Variants in RBMS3 observed in about 807,000 individuals in gnomAD.
The protein encoded by RBMS3 is RNA-binding motif, single-stranded-interacting protein 3.
RBMS3 carries 27 observed loss-of-function variants against 66.8 expected under a neutral mutation model. The observed-to-expected ratio is 0.40, with a 90% CI of 0.30 to 0.56. The LOEUF is 0.56. Ranked by LOEUF, RBMS3 falls within the 20% of genes least tolerant of loss-of-function variation. The pLI, the probability that RBMS3 is intolerant of heterozygous loss-of-function variation, is 0.40. For synonymous variants in RBMS3, 188 were observed against 183.0 expected (o/e 1.03, Z -0.22); for missense variants, 513 against 549.5 (o/e 0.93, Z 0.66).
At chr3:29,989,097 A>G (rs1340694126) in intron 13 of RBMS3, among the ~76,000 whole-genome samples, 1 of 152,192 alleles carries the variant, frequency 6.6e-6, no homozygotes, top group African/African-American at 2.4e-5. Flanking sequence ...TAGGCCATGA[A>G]CCTGCACAGG....
intron 2 of RBMS3, among the ~76,000 whole-genome samples, chr3:29,445,810 G>A (rs200196622): frequency 3.9e-5 from 6 of 151,984 alleles, no homozygotes; most frequent in African/African-American, 1.2e-4. Context: ...TGTCATATTC[G>A]TTATATCTCT....
chr3:29,870,581 C>T (rs1421847990), intron 7 of RBMS3, among the ~76,000 whole-genome samples: 1 of 152,120 alleles, frequency 6.6e-6, no homozygotes, highest in Non-Finnish European at 1.5e-5. Context: ...TAGAGAGTTA[C>T]AGCTGCCACC....
At chr3:29,913,003 G>A (rs894410167) in intron 10 of RBMS3, among the ~76,000 whole-genome samples, 12 of 151,872 alleles carry the variant, frequency 7.9e-5, no homozygotes, top group Admixed American at 4.6e-4. Context: ...CTGTGCTGTT[G>A]AGTGCTTGAG....
At chr3:29,744,056 C>T (rs964726094) in intron 5 of RBMS3, among the ~76,000 whole-genome samples, 32 of 151,968 alleles carry the variant, frequency 2.1e-4, no homozygotes, top group Admixed American at 2.1e-3. Context: ...GATACTGACA[C>T]TGCTGATATG....
intron 11 of RBMS3, among the ~76,000 whole-genome samples, chr3:29,936,541 C>T (rs894938791): frequency 2.0e-5 from 3 of 152,052 alleles, no homozygotes; most frequent in African/African-American, 7.2e-5. Flanking sequence ...GTTTTCTCTT[C>T]CCAGCTGCTT....
At chr3:29,608,259 A>G (rs2048376932) in intron 4 of RBMS3, among the ~76,000 whole-genome samples, 1 of 151,998 alleles carries the variant, frequency 6.6e-6, no homozygotes. Flanking sequence ...TTAAAGCAGC[A>G]TTAACTTTTG....
At chr3:29,985,040 G>A (rs1425365164) in intron 12 of RBMS3, among the ~76,000 whole-genome samples, 1 of 152,218 alleles carries the variant, frequency 6.6e-6, no homozygotes, top group Non-Finnish European at 1.5e-5. Context: ...GGAGATGGGT[G>A]TTTTATCTAC....
chr3:29,729,658 T>A (rs148525941), intron 4 of RBMS3, among the ~76,000 whole-genome samples: 1 of 152,160 alleles, frequency 6.6e-6, no homozygotes, highest in Non-Finnish European at 1.5e-5. Context: ...TGTTGTTTCC[T>A]GACTTTTTAA....
In RBMS3 at chr3:29,738,216, G is replaced by A. The variant is rs192291681; in HGVS notation, c.400-1504G>A. 5.7e-3 allele frequency among the ~76,000 whole-genome samples: 872 copies of A among 152,056 alleles called. 13 individuals carry two copies. The highest frequency in any genetic ancestry group is 0.018 in the African/African-American group (763 of 41,496). ...CTACTTGTTTATTGTTTTTAAAACCGTAAATATCTAATAATATGATATCTT... is the reference window on the plus strand; with the variant it reads ...CTACTTGTTTATTGTTTTTAAAACCATAAATATCTAATAATATGATATCTT... On this transcript the variant is annotated intron_variant, in intron 4 of 14. Transcript: ENST00000383767.
chr3:29,907,512 A>G (rs1254275623), intron 10 of RBMS3, among the ~76,000 whole-genome samples: 1 of 151,902 alleles, frequency 6.6e-6, no homozygotes, highest in Non-Finnish European at 1.5e-5. Flanking sequence ...TGCCAATTTT[A>G]TTGTATTAAT....
intron 4 of RBMS3, among the ~76,000 whole-genome samples, chr3:29,668,988 G>A (rs75614802): frequency 0.035 from 5,395 of 152,266 alleles, 309 homozygotes; most frequent in African/African-American, 0.12. Flanking sequence ...TGACTGATGC[G>A]TTTCCCACTT....
chr3:29,511,389 A>G (rs1420356292), intron 3 of RBMS3, among the ~76,000 whole-genome samples: 2 of 152,226 alleles, frequency 1.3e-5, no homozygotes, highest in African/African-American at 4.8e-5. Flanking sequence ...AATAAGGTAT[A>G]TGAACAGGCG....
At chr3:29,482,406 C>CATTT (rs1364341680) in intron 2 of RBMS3, among the ~76,000 whole-genome samples, 28 of 152,132 alleles carry the variant, frequency 1.8e-4, no homozygotes, top group African/African-American at 5.8e-4. Flanking sequence ...AATTAAAGAA[C>CATTT]AAGGAAAGGC....
chr3:29,432,666 T>A lies in RBMS3; in HGVS notation c.76-2077T>A, dbSNP rs1432541706. ...ATTCCCTGCTCTCAGGAAACACAGA[T>A]TACTGTTAGAGGCAGGCATTAAATA... is the stretch of plus-strand genomic sequence containing the variant. On this transcript the variant is annotated intron_variant, in intron 1 of 14. Coordinates refer to ENST00000383767, the MANE Select transcript of RBMS3 (RefSeq NM_001003793.3). 3.3e-5 allele frequency among the ~76,000 whole-genome samples: 5 copies of A among 152,098 alleles called. No homozygotes were observed. The East Asian group carries it at 9.6e-4, about 29-fold the overall frequency.
At chr3:29,863,825 AT>A (rs1249002753) in intron 6 of RBMS3, among the ~76,000 whole-genome samples, 1 of 152,168 alleles carries the variant, frequency 6.6e-6, no homozygotes, top group Non-Finnish European at 1.5e-5. Context: ...AATCTAGAAC[AT>A]TGTTATTTGG....
At chr3:29,692,995 A>G (rs898587317) in intron 4 of RBMS3, among the ~76,000 whole-genome samples, 19 of 152,114 alleles carry the variant, frequency 1.2e-4, no homozygotes, top group African/African-American at 4.3e-4. Context: ...AGACATCCTG[A>G]TTTATGTGTC....
In RBMS3 at chr3:29,455,292, T is replaced by C. The variant is rs563977590; in HGVS notation, c.248+20377T>C. Among the ~76,000 whole-genome samples the C allele has an allele frequency of 2.0e-5, 3 of 152,356 alleles. No individual in the cohort carries two copies. In the East Asian group the frequency reaches 5.8e-4, roughly 29 times the overall value. ...AAGCAGGAATTGTCTTATCCTTTAT[T>C]GTATACATTATGATTTTAGGGAAAT... is the stretch of plus-strand genomic sequence containing the variant. On this transcript the variant is annotated intron_variant, in intron 2 of 14. Transcript: ENST00000383767.
At chr3:29,884,422 T>TTCTCCC in intron 8 of RBMS3, among the ~76,000 whole-genome samples, 1 of 41,882 alleles carries the variant, frequency 2.4e-5, no homozygotes, top group Admixed American at 3.3e-4. Flanking sequence ...TTAAACCCTG[T>TTCTCCC]TCTCTCTCTC....
rs143687350 is a variant in RBMS3 at position 29,449,721 on chromosome 3, A to G, written c.248+14806A>G. On this transcript the variant is annotated intron_variant, in intron 2 of 14. Coordinates refer to ENST00000383767, the MANE Select transcript of RBMS3 (RefSeq NM_001003793.3). Reference sequence around the variant, plus strand: ...TCTCTTAAAAGTTCGTTTTAACGCTAAAAGAGCCATCATTTTAGTGTCATG... The same window carrying G: ...TCTCTTAAAAGTTCGTTTTAACGCTGAAAGAGCCATCATTTTAGTGTCATG... 1.6e-3 allele frequency among the ~76,000 whole-genome samples: 251 copies of G among 152,348 alleles called. 4 individuals are homozygous for G. Among genetic ancestry groups the G allele is most frequent in the African/African-American group, 5.8e-3 (242 of 41,584 alleles).
Sources: gnomAD v4.1 joint callset for allele counts (sites outside exome capture counted in the v4.1 genomes callset) on GRCh38, gnomAD v4.1.1 for gene constraint, MANE v1.5 for transcripts, NCBI Gene and HGNC (gene_info 2026-07-23, HGNC 2026-07-21) for gene names.